The following RIN3 variants were observed in gnomAD, a reference collection of about 807,000 sequenced individuals.
RIN3 encodes RAB5 interacting protein 3.
RIN3 carries 54 observed loss-of-function variants against 76.3 expected under a neutral mutation model. The ratio of observed to expected loss-of-function variants is 0.71; its 90% confidence interval spans 0.57 to 0.89. The LOEUF is 0.89. Among genes scored for constraint, RIN3 ranks in the 40% least tolerant of loss-of-function variants. The pLI is 0.00. For missense variants in RIN3, 1,256 were observed against 1,322.1 expected, an observed-to-expected ratio of 0.95 and a Z score of 0.78; for synonymous variants, 576 against 564.0, an observed-to-expected ratio of 1.02 and a Z score of -0.30.
chr14:92,661,757 AC>A lies in RIN3; in HGVS notation c.2335+2289del, dbSNP rs1887894448. ...CACACACACACACACACACACACAC[AC>A]AAAAAATAGAATTGTGCTCCCCAAA... On this transcript the variant is annotated intron_variant, in intron 7 of 9. Transcript: ENST00000216487. 5.1e-5 allele frequency among the ~76,000 whole-genome samples: 6 copies of A among 116,676 alleles called. No individual in the cohort carries two copies. The East Asian group carries it at 1.4e-3, about 26-fold the overall frequency. The allele number at this position is 116,676 out of a possible 152,430, so 76.5% of individuals were successfully genotyped here.
rs1330202868 is a variant in RIN3 at position 92,625,746 on chromosome 14, C to G, written c.440+10267C>G. On this transcript the variant is annotated intron_variant, in intron 4 of 9. Coordinates refer to ENST00000216487, the MANE Select transcript of RIN3 (RefSeq NM_024832.5). ...CTAGTTGGAGGCTTGGGTTTGGACC[C>G]TTTATAATTCCTGGTCCCCTGGAGT... 2.0e-5 allele frequency among the ~76,000 whole-genome samples: 3 copies of G among 152,272 alleles called. No individual in the cohort carries two copies. In the East Asian group the frequency reaches 5.8e-4, roughly 29 times the overall value.
Position 92,687,984 on chromosome 14 carries a change from G to A in RIN3, c.2690G>A (p.Arg897Gln), listed in dbSNP as rs1888928528. ...PEQQARTLAS[R>Q]ADTQAQALCA... ...CAGCAGGCGCGGACGCTGGCGTCGC[G>A]GGCGGACACCCAGGCCCAGGCGCTG... is the stretch of plus-strand genomic sequence containing the variant. The change falls in exon 10 of 10, where the codon CGG (arginine) becomes CAG (glutamine). Residue 897 changes from arginine to glutamine, a missense_variant. Physicochemically the swap from Arg to Gln is conservative, Grantham distance 43 (BLOSUM62 1). Around this residue, in one of 3 missense-constraint regions of RIN3, gnomAD observed 218 missense variants for 174.5 expected, o/e 1.25. Transcript: ENST00000216487. 3 of 1,563,908 alleles carry A rather than the reference G, an allele frequency of 1.9e-6. No homozygotes were observed. Among genetic ancestry groups the A allele is most frequent in the African/African-American group, 1.4e-5 (1 of 73,478 alleles).
intron 3 of RIN3, among the ~76,000 whole-genome samples, chr14:92,585,001 G>T (rs1884716593): frequency 6.6e-6 from 1 of 151,954 alleles, no homozygotes; most frequent in African/African-American, 2.4e-5. Flanking sequence ...CCCCTGGCTT[G>T]CTTTATTTAT....
intron 3 of RIN3, among the ~76,000 whole-genome samples, chr14:92,613,035 G>A (rs375352194): frequency 3.9e-5 from 6 of 152,346 alleles, no homozygotes; most frequent in Admixed American, 2.0e-4. Flanking sequence ...CAAAGATCAG[G>A]CCGTGCCTCA....
chr14:92,685,030 C>A lies in RIN3; in HGVS notation c.2511C>A (p.Ile837=), dbSNP rs147894566. The change falls in exon 9 of 10, where the codon ATC becomes ATA. Residue 837 remains isoleucine, a synonymous_variant. Transcript: ENST00000216487. This position sits in a 1 kb window ranked among gnomAD's most constrained non-coding sequence, Gnocchi z 4.7. ...LTTTYGALEH[I]KSYDKITVTR... The stretch of plus-strand genomic sequence containing the variant: ...CCACCTACGGGGCCCTGGAGCACAT[C>A]AAGAGCTACGACAAGATCACGGTGA... 6.2e-7 allele frequency: 1 copy of A among 1,614,100 alleles called. No individual in the cohort carries two copies. The highest frequency in any genetic ancestry group is 8.5e-7 in the Non-Finnish European group (1 of 1,179,992).
At chr14:92,631,901 A>G (rs756512566) in intron 4 of RIN3, among the ~76,000 whole-genome samples, 2 of 152,144 alleles carry the variant, frequency 1.3e-5, no homozygotes, top group Non-Finnish European at 2.9e-5. Context: ...CCTGTCTCAG[A>G]CCGGGGTTTG....
At chr14:92,600,987 G>A (rs1449291995) in intron 3 of RIN3, among the ~76,000 whole-genome samples, 1 of 152,182 alleles carries the variant, frequency 6.6e-6, no homozygotes, top group Admixed American at 6.5e-5. Context: ...CAGTATGGTA[G>A]CCAGGGGCCA....
At chr14:92,637,878 C>T (rs1338511289) in intron 4 of RIN3, among the ~76,000 whole-genome samples, 1 of 152,148 alleles carries the variant, frequency 6.6e-6, no homozygotes, top group Non-Finnish European at 1.5e-5. Context: ...GTGTTTCTGT[C>T]AGAAACTTAC....
intron 2 of RIN3, among the ~76,000 whole-genome samples, chr14:92,576,858 A>C (rs536375697): frequency 6.6e-5 from 10 of 152,106 alleles, no homozygotes; most frequent in Non-Finnish European, 1.5e-4. Context: ...CAGGGGAAAA[A>C]ATGGTGTGAA....
intron 3 of RIN3, among the ~76,000 whole-genome samples, chr14:92,583,308 A>C (rs1286502657): frequency 6.6e-6 from 1 of 152,242 alleles, no homozygotes; most frequent in Non-Finnish European, 1.5e-5. Flanking sequence ...TTTGAAGAAG[A>C]AACACTCGCT....
chr14:92,585,099 A>G, intron 3 of RIN3, among the ~76,000 whole-genome samples: 1 of 151,830 alleles, frequency 6.6e-6, no homozygotes, highest in Admixed American at 6.6e-5. Flanking sequence ...CGCAGCTGCA[A>G]CTCCCTGGGC....
At chr14:92,516,617 G>C (rs1896450532) in intron 1 of RIN3, among the ~76,000 whole-genome samples, 1 of 152,042 alleles carries the variant, frequency 6.6e-6, no homozygotes. Context: ...CTGCTCTCCT[G>C]CCCCCCCACC....
chr14:92,684,955 C>T (rs1479575339), intron 8 of RIN3, 32 bp from the exon 9 acceptor site: 1 of 1,591,414 alleles, frequency 6.3e-7, no homozygotes, highest in Non-Finnish European at 8.6e-7. Context: ...GGAGGCGGTC[C>T]TGGCTCAGAT....
In RIN3 at chr14:92,580,801, G is replaced by A. The variant is rs142911134; in HGVS notation, c.367+3324G>A. ...GTCTTCCTGCCAAGGCCTAGGAGTG[G>A]GTGTGTCACCTGTGCCGCATTCCAT... On this transcript the variant is annotated intron_variant, in intron 3 of 9. Transcript: ENST00000216487. Among the ~76,000 whole-genome samples, 694 of 152,298 alleles carry A rather than the reference G, an allele frequency of 4.6e-3. 3 individuals carry two copies. Among genetic ancestry groups the A allele is most frequent in the African/African-American group, 0.015 (634 of 41,564 alleles).
chr14:92,572,742 G>A (rs982399912), intron 2 of RIN3, among the ~76,000 whole-genome samples: 3 of 152,088 alleles, frequency 2.0e-5, no homozygotes, highest in Admixed American at 6.6e-5. Context: ...CTAGCTGTCC[G>A]GGCAGTGTGG....
chr14:92,567,905 A>G (rs1005471693), intron 2 of RIN3, among the ~76,000 whole-genome samples: 8 of 152,178 alleles, frequency 5.3e-5, no homozygotes, highest in African/African-American at 1.7e-4. Context: ...AGAGCAATCT[A>G]TAATAATAAT....
chr14:92,610,302 C>G (rs777177374), intron 3 of RIN3, among the ~76,000 whole-genome samples: 1 of 152,176 alleles, frequency 6.6e-6, no homozygotes, highest in Non-Finnish European at 1.5e-5. Flanking sequence ...GAATGAAGCC[C>G]ATACCATTTA....
chr14:92,684,928 C>G, intron 8 of RIN3, 59 bp from the exon 9 acceptor site: 1 of 1,562,648 alleles, frequency 6.4e-7, no homozygotes, highest in Non-Finnish European at 8.7e-7. Context: ...AGGCCAAGCT[C>G]CTTGCCTCTG....
chr14:92,651,750 T>G lies in RIN3; in HGVS notation c.701T>G (p.Phe234Cys). The G allele has an allele frequency of 6.2e-7, 1 of 1,614,054 alleles. No individual in the cohort carries two copies. The highest frequency in any genetic ancestry group is 8.5e-7 in the Non-Finnish European group (1 of 1,179,982). Residue 234 changes from phenylalanine (F) to cysteine (C), a missense_variant, in exon 6 of 10, where the codon TTT becomes TGT. Coordinates refer to ENST00000216487, the MANE Select transcript of RIN3 (RefSeq NM_024832.5). ...TCGGTAGGAAATGACCGCCTGTGGT[T>G]TGTGAATCCTATTTTCATCGAGGAC... ...ELSVGNDRLW[F>C]VNPIFIEDCS...
Sources: allele counts gnomAD v4.1 joint callset (sites outside exome capture counted in the v4.1 genomes callset), GRCh38; gene constraint gnomAD v4.1.1; regional missense constraint gnomAD v4.1.1; non-coding constraint Gnocchi (gnomAD v3.1); transcripts MANE v1.5; gene names NCBI Gene and HGNC (gene_info 2026-07-23, HGNC 2026-07-21).